The following IRAK1BP1 variants were observed in gnomAD, a reference collection of about 807,000 sequenced individuals.
The protein encoded by IRAK1BP1 is interleukin-1 receptor-associated kinase 1-binding protein 1.
Under a neutral mutation model 28.0 loss-of-function variants are expected in IRAK1BP1, and 24 were observed. That is an observed-to-expected ratio of 0.86 (90% CI 0.62 to 1.20). The LOEUF is 1.20. IRAK1BP1 is among the 50% of genes most tolerant of loss of function. The probability of loss-of-function intolerance (pLI) is 0.00; values close to 1 mark genes in which losing one functional copy is unlikely to be tolerated. For synonymous variants in IRAK1BP1, 131 were observed against 116.3 expected, an observed-to-expected ratio of 1.13 and a Z score of -0.81; for missense variants, 336 against 316.7, an observed-to-expected ratio of 1.06 and a Z score of -0.46.
intron 4 of IRAK1BP1, chr6:78,940,297 C>A (rs1184813860): frequency 6.6e-6 from 1 of 151,758 alleles, no homozygotes; most frequent in African/African-American, 2.4e-5. Context: ...AAAAATAATT[C>A]ATTTTAACAT....
the IRAK1BP1 span, among the ~76,000 whole-genome samples, chr6:78,964,013 T>A: frequency 2.6e-5 from 4 of 152,278 alleles, no homozygotes; most frequent in East Asian, 7.7e-4. Flanking sequence ...AGTGAATCAG[T>A]ATCACTTATT....
chr6:78,951,947 A>G, the IRAK1BP1 span, among the ~76,000 whole-genome samples: 1 of 152,178 alleles, frequency 6.6e-6, no homozygotes, highest in Admixed American at 6.5e-5. Flanking sequence ...GTTCAACATC[A>G]GTAAAGTGAG....
chr6:78,918,897 A>G (rs541114553), intron 4 of IRAK1BP1, among the ~76,000 whole-genome samples: 4 of 152,336 alleles, frequency 2.6e-5, no homozygotes, highest in East Asian at 1.9e-4. Flanking sequence ...ACCACAGAAT[A>G]TAGTTCTTCT....
chr6:78,946,800 A>G (rs548424710), downstream of IRAK1BP1: 10 of 1,595,656 alleles, frequency 6.3e-6, no homozygotes, highest in African/African-American at 1.4e-4. Context: ...AACGAAGAGC[A>G]GATTTATAAT....
chr6:78,911,533 G>A (rs1027437378), intron 4 of IRAK1BP1, among the ~76,000 whole-genome samples: 1 of 152,120 alleles, frequency 6.6e-6, no homozygotes, highest in Non-Finnish European at 1.5e-5. Context: ...CAGTTTCTCT[G>A]GATGATTTAC....
At chr6:78,879,432 G>A (rs1366860629) in intron 1 of IRAK1BP1, among the ~76,000 whole-genome samples, 1 of 152,138 alleles carries the variant, frequency 6.6e-6, no homozygotes, top group African/African-American at 2.4e-5. Context: ...TTTTCAGAGA[G>A]AAAAACAATA....
chr6:78,954,615 G>A, the IRAK1BP1 span, among the ~76,000 whole-genome samples: 1 of 152,096 alleles, frequency 6.6e-6, no homozygotes, highest in Non-Finnish European at 1.5e-5. Flanking sequence ...TTCTTACAGT[G>A]TCTTCATTCA....
Position 78,867,561 on chromosome 6 carries a change from C to T in IRAK1BP1, c.-16C>T. ...CGTCGGCCGGTAGTTACTATGGAAACCCAGCTGCCATCGCTATGTCTCTGC... is the reference window on the plus strand; with the variant it reads ...CGTCGGCCGGTAGTTACTATGGAAATCCAGCTGCCATCGCTATGTCTCTGC... On this transcript the variant is annotated 5_prime_UTR_variant, in exon 1 of 4. Coordinates refer to ENST00000369940, the MANE Select transcript of IRAK1BP1 (RefSeq NM_001010844.4). 6.2e-7 allele frequency: 1 copy of T among 1,608,936 alleles called. No homozygotes were observed. Among genetic ancestry groups the T allele is most frequent in the South Asian group, 1.1e-5 (1 of 90,584 alleles).
intron 1 of IRAK1BP1, among the ~76,000 whole-genome samples, chr6:78,884,022 T>C (rs925715320): frequency 6.6e-6 from 1 of 152,188 alleles, no homozygotes; most frequent in African/African-American, 2.4e-5. Context: ...CTGTACTGTT[T>C]AAGGGAGAAC....
intron 2 of IRAK1BP1, among the ~76,000 whole-genome samples, chr6:78,889,394 G>A (rs1447055534): frequency 2.0e-5 from 3 of 151,898 alleles, no homozygotes; most frequent in African/African-American, 7.3e-5. Flanking sequence ...AACACCAAAA[G>A]CAATTGCAAC....
At chr6:78,948,266 G>GT (rs996294058), downstream of IRAK1BP1, among the ~76,000 whole-genome samples, 1 of 152,072 alleles carries the variant, frequency 6.6e-6, no homozygotes, top group Admixed American at 6.6e-5. Flanking sequence ...AAAATTGGGA[G>GT]TTTTGCTTTG....
intron 4 of IRAK1BP1, chr6:78,939,589 G>GTA (rs1177998158): frequency 6.6e-6 from 1 of 151,728 alleles, no homozygotes; most frequent in South Asian, 2.1e-4. Flanking sequence ...GTATGTGTTT[G>GTA]TATATATATT....
the IRAK1BP1 span, among the ~76,000 whole-genome samples, chr6:78,974,220 T>C: frequency 6.6e-6 from 1 of 152,034 alleles, no homozygotes; most frequent in East Asian, 1.9e-4. Context: ...GGATTAAGAA[T>C]CTCACTCAAA....
intron 1 of IRAK1BP1, among the ~76,000 whole-genome samples, chr6:78,870,246 CAAAAA>C (rs576297060): frequency 7.3e-6 from 1 of 137,608 alleles, no homozygotes; most frequent in African/African-American, 2.6e-5. Context: ...GACACTGTCT[CAAAAA>C]AAAAAAGAAA....
At position 78,922,357 on chromosome 6, in the gene IRAK1BP1, G is replaced by A. The variant is rs186795780; in HGVS notation, c.*67+19247G>A. ...AGATCAAATGAATGAAATGAAGAGA[G>A]AAGAGAAGTTTAGAGAAAAAAGAGT... On this transcript the variant is annotated intron_variant and NMD_transcript_variant, in intron 4 of 4. Transcript: ENST00000606868. Among the ~76,000 whole-genome samples the A allele has an allele frequency of 2.4e-4, 37 of 152,276 alleles. No homozygotes were observed. In the East Asian group the frequency reaches 6.4e-3, roughly 26 times the overall value.
chr6:78,940,270 A>G (rs1470911723), intron 4 of IRAK1BP1: 1 of 151,952 alleles, frequency 6.6e-6, no homozygotes, highest in Non-Finnish European at 1.5e-5. Flanking sequence ...ATCAATAGAA[A>G]TGTACCTCAC....
downstream of IRAK1BP1, chr6:78,947,858 T>C: frequency 1.1e-6 from 1 of 884,186 alleles, no homozygotes. Flanking sequence ...ACAGGATTTT[T>C]ATGATGACTG....
At chr6:78,967,345 CTAAACA>C in the IRAK1BP1 span, among the ~76,000 whole-genome samples, 1 of 152,178 alleles carries the variant, frequency 6.6e-6, no homozygotes, top group African/African-American at 2.4e-5. Context: ...CTACCTCACA[CTAAACA>C]TAAAGTTTCA....
the IRAK1BP1 span, among the ~76,000 whole-genome samples, chr6:78,961,457 T>C: frequency 1.3e-5 from 2 of 152,132 alleles, no homozygotes; most frequent in Non-Finnish European, 2.9e-5. Flanking sequence ...CTAGGAATTG[T>C]ATTTTAAGTG....
Sources: gnomAD v4.1 joint callset for allele counts (sites outside exome capture counted in the v4.1 genomes callset) on GRCh38, gnomAD v4.1.1 for gene constraint, MANE v1.5 for transcripts, NCBI Gene and HGNC (gene_info 2026-07-23, HGNC 2026-07-21) for gene names.